CAMKK2: variants seen among roughly 807,000 people sequenced by gnomAD.
CAMKK2 encodes the protein calcium/calmodulin dependent protein kinase kinase 2, also known as calcium/calmodulin-dependent protein kinase kinase 2.
A neutral mutation model predicts 67.2 loss-of-function variants in CAMKK2; 30 were observed. That is an observed-to-expected ratio of 0.45 (90% CI 0.33 to 0.61). The LOEUF (loss-of-function observed/expected upper bound fraction) is 0.61, where lower values mean the gene tolerates loss of function less well. Among genes scored for constraint, CAMKK2 ranks in the 20% least tolerant of loss-of-function variants. The probability of loss-of-function intolerance (pLI) is 0.02; values close to 1 mark genes in which losing one functional copy is unlikely to be tolerated. For synonymous variants in CAMKK2, 322 were observed against 326.2 expected, an observed-to-expected ratio of 0.99 and a Z score of 0.14; for missense variants, 643 against 802.0, an observed-to-expected ratio of 0.80 and a Z score of 2.39.
intron 7 of CAMKK2, among the ~76,000 whole-genome samples, chr12:121,259,421 T>C (rs1893003510): frequency 1.3e-5 from 2 of 152,212 alleles, no homozygotes; most frequent in South Asian, 2.1e-4. Flanking sequence ...TTGTAACATT[T>C]GTTGAATGAA....
At position 121,253,521 on chromosome 12, in the gene CAMKK2, T is replaced by C; in HGVS notation, c.908-49A>G. The C allele has an allele frequency of 6.7e-7, 1 of 1,496,958 alleles. No individual in the cohort carries two copies. The highest frequency in any genetic ancestry group is 9.3e-7 in the Non-Finnish European group (1 of 1,074,086). The allele number at this position is 1,496,958 out of a possible 1,614,324, so 92.7% of individuals were successfully genotyped here. On this transcript the variant is annotated intron_variant, in intron 9 of 16. Coordinates refer to ENST00000404169, the MANE Select transcript of CAMKK2 (RefSeq NM_001270485.2). The surrounding 1 kb of genome is among the most constrained non-coding windows in gnomAD (Gnocchi z 5.0). Reference sequence around the variant, plus strand: ...GGGAGATAGGGGCAGGAAAACCTCGTGAGCACCTCTATGCGGCCACATGGC... The same window carrying C: ...GGGAGATAGGGGCAGGAAAACCTCGCGAGCACCTCTATGCGGCCACATGGC...
In CAMKK2 at chr12:121,274,023, C is replaced by T. The variant is rs898662383; in HGVS notation, c.471+33G>A. 7 of 1,418,604 alleles carry T rather than the reference C, an allele frequency of 4.9e-6. No individual in the cohort carries two copies. In the African/African-American group the frequency reaches 8.6e-5, roughly 17 times the overall value. The allele number at this position is 1,418,604 out of a possible 1,614,324, so 87.9% of individuals were successfully genotyped here. A position where few individuals can be genotyped will look rare whatever the true frequency, so the allele number is the denominator to read the frequency against. On this transcript the variant is annotated intron_variant, in intron 2 of 16. Transcript: ENST00000404169. ...GGGGGCAGGGAAGGGCACCAGGGAC[C>T]CCTAGGACCTGGCTCACCACCGGCT...
intron 1 of CAMKK2, among the ~76,000 whole-genome samples, chr12:121,276,821 G>A: frequency 6.7e-6 from 1 of 148,536 alleles, no homozygotes; most frequent in East Asian, 2.0e-4. Flanking sequence ...GGGAGGCGGA[G>A]GTTGCAGTGA....
chr12:121,243,921 C>A, intron 16 of CAMKK2: 1 of 1,423,408 alleles, frequency 7.0e-7, no homozygotes, highest in South Asian at 1.5e-5. Context: ...GGTCCCCACC[C>A]ACCACAGCAC....
At position 121,249,946 on chromosome 12, in the gene CAMKK2, G is replaced by C; in HGVS notation, c.1235+15C>G. ...ACTCGGACAGGAGAGATGCGGGACGGCGGGAGATACTCACTGGTCTGGAAA... is the reference window on the plus strand; with the variant it reads ...ACTCGGACAGGAGAGATGCGGGACGCCGGGAGATACTCACTGGTCTGGAAA... On this transcript the variant is annotated intron_variant, in intron 12 of 16. Coordinates refer to ENST00000404169, the MANE Select transcript of CAMKK2 (RefSeq NM_001270485.2). 1 of 1,613,700 alleles carries C rather than the reference G, an allele frequency of 6.2e-7. No individual in the cohort carries two copies. The highest frequency in any genetic ancestry group is 1.1e-5 in the South Asian group (1 of 91,074).
At chr12:121,250,211 G>A (rs369897055) in intron 11 of CAMKK2, among the ~76,000 whole-genome samples, 177 bp from the exon 12 acceptor site, 16 of 152,118 alleles carry the variant, frequency 1.1e-4, no homozygotes, top group East Asian at 3.9e-4. Flanking sequence ...AGGGGTGTGG[G>A]GCCTGGCCGA....
intron 5 of CAMKK2, among the ~76,000 whole-genome samples, chr12:121,265,109 C>T (rs186724502): frequency 2.6e-5 from 4 of 152,298 alleles, no homozygotes; most frequent in Admixed American, 6.5e-5. Context: ...CTTGATCCTG[C>T]AGTAAACAAT....
intron 5 of CAMKK2, 65 bp from the exon 6 acceptor site, chr12:121,264,004 C>T (rs1444927096): frequency 1.7e-5 from 24 of 1,431,656 alleles, no homozygotes; most frequent in Non-Finnish European, 5.6e-6. Flanking sequence ...AGGGCAGCTG[C>T]AGGTGGGATG....
intron 11 of CAMKK2, 32 bp downstream of exon 11, chr12:121,252,629 G>A: frequency 6.2e-7 from 1 of 1,605,586 alleles, no homozygotes; most frequent in Non-Finnish European, 8.5e-7. Flanking sequence ...CCACCCAGCA[G>A]TACTGAGGGG....
chr12:121,241,677 T>C (rs1888416068), intron 16 of CAMKK2, among the ~76,000 whole-genome samples: 1 of 152,244 alleles, frequency 6.6e-6, no homozygotes, highest in East Asian at 1.9e-4. Context: ...CCGTGTCTCC[T>C]GTCCAGGAGG....
intron 8 of CAMKK2, 39 bp from the exon 9 acceptor site, chr12:121,255,677 C>T (rs200122511): frequency 3.1e-6 from 5 of 1,608,980 alleles, no homozygotes; most frequent in African/African-American, 1.3e-5. Flanking sequence ...AAAGCAGACC[C>T]GCCAGCCCTT....
intron 1 of CAMKK2, among the ~76,000 whole-genome samples, chr12:121,277,532 A>T (rs886598438): frequency 2.6e-5 from 4 of 152,218 alleles, no homozygotes; most frequent in Admixed American, 6.5e-5. Context: ...CATACAACAG[A>T]ATACTATACA....
At chr12:121,261,057 A>C (rs1031220886) in intron 6 of CAMKK2, among the ~76,000 whole-genome samples, 3 of 151,698 alleles carry the variant, frequency 2.0e-5, no homozygotes, top group Non-Finnish European at 1.5e-5. Context: ...AAGCCTCCCC[A>C]TTGCCCCTAA....
At chr12:121,259,851 T>C (rs1291521984) in intron 7 of CAMKK2, among the ~76,000 whole-genome samples, 1 of 152,192 alleles carries the variant, frequency 6.6e-6, no homozygotes, top group East Asian at 1.9e-4. Flanking sequence ...GGGAGGCCAA[T>C]GCAGGAGGAT....
chr12:121,297,594 G>A, upstream of CAMKK2: 1 of 516,530 alleles, frequency 1.9e-6, no homozygotes, highest in Non-Finnish European at 3.9e-6. Flanking sequence ...AGCACTGTGC[G>A]GGGAAGAGGA....
chr12:121,284,028 G>A (rs79340347), intron 1 of CAMKK2, among the ~76,000 whole-genome samples: 9,342 of 152,290 alleles, frequency 0.061, 424 homozygotes, highest in Non-Finnish European at 0.086. Flanking sequence ...ACTTCCCAGT[G>A]CCTCTCCAAA....
intron 1 of CAMKK2, among the ~76,000 whole-genome samples, chr12:121,275,906 A>C (rs1476171421): frequency 6.6e-6 from 1 of 152,212 alleles, no homozygotes; most frequent in Non-Finnish European, 1.5e-5. Context: ...TCACGCCTGT[A>C]ATCTCAGCAC....
chr12:121,295,001 C>T (rs1310269140), intron 1 of CAMKK2, among the ~76,000 whole-genome samples: 1 of 152,122 alleles, frequency 6.6e-6, no homozygotes, highest in Non-Finnish European at 1.5e-5. Context: ...GAAACCCCTT[C>T]TCTACTAAAA....
rs1889255039 is a variant in CAMKK2, at chr12:121,245,434, G to A, written c.1453-194C>T. Among the ~76,000 whole-genome samples, 1 of 152,154 alleles carries A rather than the reference G, an allele frequency of 6.6e-6. No individual in the cohort carries two copies. On this transcript the variant is annotated intron_variant, in intron 14 of 16. Transcript: ENST00000404169. This position sits in a 1 kb window ranked among gnomAD's most constrained non-coding sequence, Gnocchi z 5.8. ...CGCCGAAAGAATCCTCTGGGAAAAGGTGCTGTCCTGCACCACACCCTCAGC... is the reference window on the plus strand; with the variant it reads ...CGCCGAAAGAATCCTCTGGGAAAAGATGCTGTCCTGCACCACACCCTCAGC...
Sources: gnomAD v4.1 joint callset for allele counts (sites outside exome capture counted in the v4.1 genomes callset) on GRCh38, gnomAD v4.1.1 for gene constraint, Gnocchi (gnomAD v3.1) non-coding constraint, MANE v1.5 for transcripts, NCBI Gene and HGNC (gene_info 2026-07-23, HGNC 2026-07-21) for gene names.